The following WNT16 variants were observed in gnomAD, a reference collection of about 807,000 sequenced individuals.
The protein encoded by WNT16 is protein Wnt-16.
A neutral mutation model predicts 35.4 loss-of-function variants in WNT16; 20 were observed. The observed-to-expected ratio is 0.56, with a 90% CI of 0.40 to 0.82. The LOEUF (loss-of-function observed/expected upper bound fraction) is 0.82. Ranked by LOEUF, WNT16 falls within the 40% of genes least tolerant of loss-of-function variation. WNT16 has a pLI of 0.00. For missense variants in WNT16, 461 were observed against 466.0 expected (o/e 0.99, Z 0.10); for synonymous variants, 180 against 179.2 (o/e 1.00, Z -0.03).
rs1305978558 is a variant in WNT16 at position 121,339,594 on chromosome 7, T to C, written c.*249T>C. 7 of 501,484 alleles carry C rather than the reference T, an allele frequency of 1.4e-5. No homozygotes were observed. The highest frequency in any genetic ancestry group is 1.8e-5 in the Non-Finnish European group (5 of 284,514). The allele number at this position is 501,484 out of a possible 1,614,324, so 31.1% of individuals were successfully genotyped here. ...ATTCACCTTTTGATGATTTGGGGAA[T>C]ATATATTGACATACAAGGAAGATAA... is the stretch of plus-strand genomic sequence containing the variant. On this transcript the variant is annotated 3_prime_UTR_variant, in exon 4 of 4. Transcript: ENST00000222462.
At chr7:121,333,053 T>C (rs932081313) in intron 3 of WNT16, among the ~76,000 whole-genome samples, 1 of 152,206 alleles carries the variant, frequency 6.6e-6, no homozygotes, top group East Asian at 1.9e-4. Context: ...ATATATTTTC[T>C]ATGTTGTAAT....
intron 3 of WNT16, among the ~76,000 whole-genome samples, 190 bp downstream of exon 3, chr7:121,332,154 C>T (rs576090205): frequency 2.0e-4 from 31 of 152,168 alleles, no homozygotes; most frequent in African/African-American, 5.8e-4. Flanking sequence ...AATATGTATG[C>T]GTTAAAGCAT....
Position 121,329,374 on chromosome 7 carries a change from C to A in WNT16, c.82C>A (p.Gln28Lys). 6.2e-7 allele frequency: 1 copy of A among 1,611,466 alleles called. No homozygotes were observed. Among genetic ancestry groups the A allele is most frequent in the Non-Finnish European group, 8.5e-7 (1 of 1,178,760 alleles). The change falls in exon 1 of 4, where the codon CAA becomes AAA. Residue 28 changes from glutamine (Q) to lysine (K), a missense_variant. Gln to Lys is a moderately conservative substitution (Grantham distance 53). Coordinates refer to ENST00000222462, the MANE Select transcript of WNT16 (RefSeq NM_057168.2). ...ALLVLFPYGA[Q>K]GNWMWLGIAS... is the part of the protein sequence containing the mutation. ...GCTCGTGCTGTTCCCCTACGGAGCC[C>A]AAGGAAACTGGATGTGAGTATGGAG...
At chr7:121,325,754 G>A (rs535570910), upstream of WNT16, among the ~76,000 whole-genome samples, 1 of 151,976 alleles carries the variant, frequency 6.6e-6, no homozygotes, top group South Asian at 2.1e-4. Flanking sequence ...AAAAAACAGG[G>A]TCTTGGCCAG....
rs771899177 is a variant in WNT16 at position 121,331,824 on chromosome 7, TG to T, written c.500del (p.Gly167AlafsTer17). On this transcript the variant is annotated frameshift_variant, in exon 3 of 4. Coordinates refer to ENST00000222462, the MANE Select transcript of WNT16 (RefSeq NM_057168.2). LOFTEE classifies it high-confidence loss of function. Reference sequence around the variant, plus strand: ...CGGCTCAGCAAGTGAAGGCTGGCACTGGGGGGGCTGCTCCGATGATGTCCAG... The same window carrying T: ...CGGCTCAGCAAGTGAAGGCTGGCACTGGGGGGCTGCTCCGATGATGTCCAG... ...NGGSASEGWH[W>X]GGCSDDVQYG... The T allele has an allele frequency of 1.2e-6, 2 of 1,613,864 alleles. No individual in the cohort carries two copies. The highest frequency in any genetic ancestry group is 2.7e-5 in the African/African-American group (2 of 74,866).
rs1281389389 is a variant in WNT16 at position 121,340,047 on chromosome 7, A to G, written c.*702A>G. The G allele has an allele frequency of 6.6e-6, 1 of 152,226 alleles. No homozygotes were observed. Among genetic ancestry groups the G allele is most frequent in the Non-Finnish European group, 1.5e-5 (1 of 68,038 alleles). The allele number at this position is 152,226 out of a possible 1,614,324, so 9.4% of individuals were successfully genotyped here. A position where few individuals can be genotyped will look rare whatever the true frequency, so the allele number is the denominator to read the frequency against. Reference sequence around the variant, plus strand: ...AGATTTTAAGTGCCTTTTCACTGGGAGAATCTGGAAAAACCTCCATAAGGT... The same window carrying G: ...AGATTTTAAGTGCCTTTTCACTGGGGGAATCTGGAAAAACCTCCATAAGGT... On this transcript the variant is annotated 3_prime_UTR_variant, in exon 4 of 4. Coordinates refer to ENST00000222462, the MANE Select transcript of WNT16 (RefSeq NM_057168.2).
upstream of WNT16, among the ~76,000 whole-genome samples, chr7:121,326,669 G>A (rs1562873678): frequency 6.6e-6 from 1 of 152,134 alleles, no homozygotes; most frequent in African/African-American, 2.4e-5. Flanking sequence ...TTTATTGCAC[G>A]TATTATAGCT....
At position 121,341,059 on chromosome 7, in the gene WNT16, T is replaced by C. The variant is rs1793526310; in HGVS notation, c.*1714T>C. 6.6e-6 allele frequency: 1 copy of C among 152,140 alleles called. No individual in the cohort carries two copies. The highest frequency in any genetic ancestry group is 6.5e-5 in the Admixed American group (1 of 15,278). The allele number at this position is 152,140 out of a possible 1,614,324, so 9.4% of individuals were successfully genotyped here. On this transcript the variant is annotated 3_prime_UTR_variant, in exon 4 of 4. Coordinates refer to ENST00000222462, the MANE Select transcript of WNT16 (RefSeq NM_057168.2). The stretch of plus-strand genomic sequence containing the variant: ...TGAAAAAGAGCAAACCCATGGAAAA[T>C]GTCTCAGATCTAATATTAAAATCAA...
upstream of WNT16, among the ~76,000 whole-genome samples, chr7:121,326,402 A>G (rs1793244761): frequency 6.6e-6 from 1 of 152,218 alleles, no homozygotes. Flanking sequence ...GCTCTAGCCC[A>G]TACAAAAGAG....
intron 1 of WNT16, 48 bp from the exon 2 acceptor site, chr7:121,329,519 T>C: frequency 6.2e-7 from 1 of 1,604,822 alleles, no homozygotes; most frequent in Non-Finnish European, 8.5e-7. Context: ...TCGGAAAACA[T>C]CTGGAATTGG....
Position 121,329,380 on chromosome 7 carries a change from A to C in WNT16, c.88A>C (p.Asn30His). 1.2e-6 allele frequency: 2 copies of C among 1,611,960 alleles called. No individual in the cohort carries two copies. The highest frequency in any genetic ancestry group is 1.7e-6 in the Non-Finnish European group (2 of 1,178,898). The change falls in exon 1 of 4, where the codon AAC becomes CAC. Residue 30 changes from asparagine to histidine, a missense_variant. Coordinates refer to ENST00000222462, the MANE Select transcript of WNT16 (RefSeq NM_057168.2). Reference protein sequence around the residue: ...LVLFPYGAQGNWMWLGIASFG... With the variant: ...LVLFPYGAQGHWMWLGIASFG... ...GCTGTTCCCCTACGGAGCCCAAGGA[A>C]ACTGGATGTGAGTATGGAGGTGGCA...
intron 3 of WNT16, among the ~76,000 whole-genome samples, chr7:121,333,801 G>C (rs73440221): frequency 0.042 from 6,367 of 152,022 alleles, 284 homozygotes; most frequent in South Asian, 0.14. Flanking sequence ...AAATTTGGTA[G>C]AGATTTTTAA....
At position 121,339,321 on chromosome 7, in the gene WNT16, G is replaced by A. The variant is rs757180081; in HGVS notation, c.1074G>A (p.Met358Ile). The change falls in exon 4 of 4, where the codon ATG (methionine) becomes ATA (isoleucine). Residue 358 changes from methionine to isoleucine, a missense_variant. Coordinates refer to ENST00000222462, the MANE Select transcript of WNT16 (RefSeq NM_057168.2). ...TCCGTTGCAGGAGGTGTGAAAGCAT[G>A]ACTGATGTCCACACTTGCAAGTAAC... ...CYVRCRRCES[M>I]TDVHTCK 1 of 1,613,118 alleles carries A rather than the reference G, an allele frequency of 6.2e-7. No homozygotes were observed. The highest frequency in any genetic ancestry group is 8.5e-7 in the Non-Finnish European group (1 of 1,179,800).
At chr7:121,325,554 G>A (rs577075508), upstream of WNT16, 118 of 1,459,138 alleles carry the variant, frequency 8.1e-5, no homozygotes, top group African/African-American at 6.2e-4. Context: ...GAATTGTGAC[G>A]TAAGGAACCA....
chr7:121,329,783 C>A lies in WNT16; in HGVS notation c.312C>A (p.Gly104=), dbSNP rs1221419450. ...CCGCCGCCACTACCGCCCCGATGGG[C>A]GCCAGCCCCCTCTTTGGCTACGAGC... ...ITAAATTAPM[G]ASPLFGYELS... The change falls in exon 2 of 4, where the codon GGC becomes GGA. Residue 104 remains glycine (G), a synonymous_variant. Transcript: ENST00000222462. 1 of 1,607,048 alleles carries A rather than the reference C, an allele frequency of 6.2e-7. No homozygotes were observed. Among genetic ancestry groups the A allele is most frequent in the Non-Finnish European group, 8.5e-7 (1 of 1,179,998 alleles).
At chr7:121,329,476 G>C in intron 1 of WNT16, 89 bp downstream of exon 1, 1 of 1,591,930 alleles carries the variant, frequency 6.3e-7, no homozygotes. Context: ...TGGGGGAGAA[G>C]GGCGGGGACC....
intron 3 of WNT16, among the ~76,000 whole-genome samples, chr7:121,332,627 T>C (rs928801265): frequency 2.6e-5 from 4 of 152,200 alleles, no homozygotes; most frequent in African/African-American, 9.6e-5. Flanking sequence ...TACCTTTTTC[T>C]AGCAAACCTT....
chr7:121,331,963 A>G lies in WNT16; in HGVS notation c.632A>G (p.Gln211Arg), dbSNP rs1423228770. The G allele has an allele frequency of 1.2e-6, 2 of 1,613,668 alleles. No individual in the cohort carries two copies. The highest frequency in any genetic ancestry group is 8.5e-7 in the Non-Finnish European group (1 of 1,179,646). Residue 211 changes from glutamine (Q) to arginine (R), a missense_variant and splice_region_variant, in exon 3 of 4, where the codon CAG becomes CGG. Transcript: ENST00000222462. ...CTACATAACAATGAAGCTGGAAGGC[A>G]GGTATGTATTAGAAAATGGAATAAT... The part of the protein sequence containing the change: ...MNLHNNEAGR[Q>R]AVAKLMSVDC...
chr7:121,332,392 A>G (rs928876195), intron 3 of WNT16, among the ~76,000 whole-genome samples: 3 of 152,192 alleles, frequency 2.0e-5, no homozygotes, highest in Non-Finnish European at 2.9e-5. Context: ...GTGGTTGTAT[A>G]CTGTGTATAT....
Sources: gnomAD v4.1 joint callset for allele counts (sites outside exome capture counted in the v4.1 genomes callset) on GRCh38, gnomAD v4.1.1 for gene constraint, MANE v1.5 for transcripts, NCBI Gene and HGNC (gene_info 2026-07-23, HGNC 2026-07-21) for gene names.